LRRFIP1: variants seen among roughly 807,000 people sequenced by gnomAD.
LRRFIP1 encodes leucine-rich repeat flightless-interacting protein 1.
A neutral mutation model predicts 104.4 loss-of-function variants in LRRFIP1; 62 were observed. That is an observed-to-expected ratio of 0.59 (90% confidence interval 0.48 to 0.73). The LOEUF is 0.73. LRRFIP1 is among the 30% of genes least tolerant of loss of function. The pLI is 0.00. For synonymous variants in LRRFIP1, 300 were observed against 299.0 expected (o/e 1.00, Z -0.03); for missense variants, 796 against 824.5 (o/e 0.97, Z 0.42).
chr2:237,764,179 A>C, intron 19 of LRRFIP1: 3 of 1,613,842 alleles, frequency 1.9e-6, no homozygotes, highest in Non-Finnish European at 2.5e-6. Context: ...AGGAAGTCTC[A>C]GTGTGAAGGG....
chr2:237,636,516 T>C (rs560987937), intron 1 of LRRFIP1, among the ~76,000 whole-genome samples: 81 of 152,250 alleles, frequency 5.3e-4, no homozygotes, highest in African/African-American at 1.9e-3. Context: ...GCAGTACCTT[T>C]TCTTACTACT....
intron 9 of LRRFIP1, among the ~76,000 whole-genome samples, chr2:237,734,273 CTTTTTTTTTTTTTTT>C (rs71870330): frequency 4.4e-5 from 4 of 90,218 alleles, no homozygotes; most frequent in Admixed American, 1.3e-4. Context: ...TGTTAATAAC[CTTTTTTTTTTTTTTT>C]TTTTTTTTTG....
At chr2:237,628,322 C>A (rs902968110) in intron 1 of LRRFIP1, among the ~76,000 whole-genome samples, 1 of 152,240 alleles carries the variant, frequency 6.6e-6, no homozygotes. Flanking sequence ...CACACTGAAA[C>A]GTCTTCATTA....
At chr2:237,706,068 A>C (rs1028757453) in intron 1 of LRRFIP1, among the ~76,000 whole-genome samples, 2 of 152,184 alleles carry the variant, frequency 1.3e-5, no homozygotes, top group African/African-American at 4.8e-5. Flanking sequence ...AATACAGCCT[A>C]ATTACAGTGG....
At chr2:237,738,372 C>G (rs1408982910) in intron 10 of LRRFIP1, among the ~76,000 whole-genome samples, 1 of 152,190 alleles carries the variant, frequency 6.6e-6, no homozygotes, top group East Asian at 1.9e-4. Context: ...GCAGAGGGTT[C>G]TGTGCCCAGC....
chr2:237,744,416 A>G (rs898708368), intron 11 of LRRFIP1, among the ~76,000 whole-genome samples: 1 of 152,132 alleles, frequency 6.6e-6, no homozygotes, highest in African/African-American at 2.4e-5. Context: ...GTACGTGAAC[A>G]GGTGCCACAT....
intron 23 of LRRFIP1, among the ~76,000 whole-genome samples, chr2:237,774,777 T>G (rs981041507): frequency 6.6e-6 from 1 of 152,352 alleles, no homozygotes; most frequent in African/African-American, 2.4e-5. Context: ...ATATTTTTTG[T>G]GTCATGCAGA....
rs1384931613 is a variant in LRRFIP1, at chr2:237,753,395, C to T, written c.954C>T (p.Tyr318=). 1 of 1,606,322 alleles carries T rather than the reference C, an allele frequency of 6.2e-7. No individual in the cohort carries two copies. The part of the protein sequence containing the change: ...QLDNEKTNFM[Y]QVDTLKDMLL... ...ACAATGAAAAGACAAACTTCATGTA[C>T]CAGGTTGATACCCTAAAAGATATGT... The change falls in exon 15 of 24, where the codon TAC becomes TAT. Residue 318 remains tyrosine (Y), a synonymous_variant. Transcript: ENST00000308482.
At chr2:237,655,195 T>C (rs111343909) in intron 1 of LRRFIP1, among the ~76,000 whole-genome samples, 1 of 70,378 alleles carries the variant, frequency 1.4e-5, no homozygotes. Flanking sequence ...ACTGTAAGCT[T>C]CGCCTCCCAG....
At chr2:237,734,980 G>T (rs1214954422) in intron 9 of LRRFIP1, among the ~76,000 whole-genome samples, 2 of 152,192 alleles carry the variant, frequency 1.3e-5, no homozygotes, top group Non-Finnish European at 2.9e-5. Context: ...GGATTAACAA[G>T]TTTTCACTTA....
At chr2:237,640,284 C>T (rs187901639) in intron 1 of LRRFIP1, among the ~76,000 whole-genome samples, 45 of 152,174 alleles carry the variant, frequency 3.0e-4, no homozygotes, top group Admixed American at 7.2e-4. Context: ...TGGAAGTGTG[C>T]TTGAGCTGAC....
chr2:237,723,723 G>A, intron 7 of LRRFIP1, 137 bp downstream of exon 7: 3 of 1,063,064 alleles, frequency 2.8e-6, no homozygotes, highest in Non-Finnish European at 4.3e-6. Context: ...AGGAGGGCAG[G>A]CTTACCCTGC....
At chr2:237,708,870 G>C (rs2093945536) in intron 2 of LRRFIP1, 1 of 638,294 alleles carries the variant, frequency 1.6e-6, no homozygotes, top group African/African-American at 1.8e-5. Context: ...CCTCTTGCCT[G>C]CGCAGATCGT....
intron 20 of LRRFIP1, among the ~76,000 whole-genome samples, chr2:237,771,372 G>A (rs530806597): frequency 2.4e-4 from 37 of 151,726 alleles, no homozygotes; most frequent in East Asian, 5.8e-4. Context: ...TGCCCTGCAC[G>A]GAGTCCTGCA....
In LRRFIP1 at chr2:237,777,301, A is replaced by G. The variant is rs574029085; in HGVS notation, c.1813-2121A>G. Among the ~76,000 whole-genome samples the G allele has an allele frequency of 1.8e-3, 275 of 152,226 alleles. 2 individuals are homozygous for G. The highest frequency in any genetic ancestry group is 6.5e-3 in the African/African-American group (270 of 41,544). On this transcript the variant is annotated intron_variant, in intron 23 of 23. Coordinates refer to ENST00000308482, the MANE Select transcript of LRRFIP1 (RefSeq NM_001137550.2). ...TGTTTGACATAACTACATATTGGCC[A>G]TTTTATATGTCTGTCCTGCTAGTGT...
At chr2:237,759,992 T>C (rs765384005) in intron 18 of LRRFIP1, 72 bp from the exon 19 acceptor site, 159 of 1,429,230 alleles carry the variant, frequency 1.1e-4, no homozygotes, top group Non-Finnish European at 1.4e-4. Flanking sequence ...TTCTTTTTTA[T>C]TATTGTATTA....
chr2:237,677,678 T>C (rs1441522630), intron 1 of LRRFIP1, among the ~76,000 whole-genome samples: 1 of 152,132 alleles, frequency 6.6e-6, no homozygotes, highest in Non-Finnish European at 1.5e-5. Flanking sequence ...TTATTTGAAG[T>C]TTCAGTGCAG....
chr2:237,664,566 T>G (rs2088821327), intron 1 of LRRFIP1, among the ~76,000 whole-genome samples: 1 of 152,238 alleles, frequency 6.6e-6, no homozygotes, highest in African/African-American at 2.4e-5. Flanking sequence ...GGACTTTTTT[T>G]GAAGTGCAAG....
At chr2:237,685,110 C>G (rs1481971843) in intron 1 of LRRFIP1, among the ~76,000 whole-genome samples, 1 of 17,686 alleles carries the variant, frequency 5.7e-5, no homozygotes, top group African/African-American at 1.0e-4. Flanking sequence ...CCCTACCCTC[C>G]CCCCCCCACA....
Sources: allele counts gnomAD v4.1 joint callset (sites outside exome capture counted in the v4.1 genomes callset), GRCh38; gene constraint gnomAD v4.1.1; transcripts MANE v1.5; gene names NCBI Gene and HGNC (gene_info 2026-07-23, HGNC 2026-07-21).